ATOSA: variants seen among roughly 807,000 people sequenced by gnomAD.
The protein encoded by ATOSA is atos homolog A.
the ATOSA span, among the ~76,000 whole-genome samples, chr15:52,600,440 G>C: frequency 6.6e-6 from 1 of 151,820 alleles, no homozygotes; most frequent in Non-Finnish European, 1.5e-5. Context: ...ACCAAGCCAA[G>C]GCACAATATT....
chr15:52,649,003 A>G, the ATOSA span, among the ~76,000 whole-genome samples: 196 of 152,264 alleles, frequency 1.3e-3, no homozygotes, highest in African/African-American at 4.5e-3. Flanking sequence ...GCCTCATCAC[A>G]AAGGATTATA....
chr15:52,681,457 T>G, the ATOSA span, among the ~76,000 whole-genome samples: 1 of 152,132 alleles, frequency 6.6e-6, no homozygotes, highest in Non-Finnish European at 1.5e-5. Context: ...AAAAGTGAGG[T>G]GTTTAGACTC....
At chr15:52,658,500 C>A in the ATOSA span, 1 of 375,280 alleles carries the variant, frequency 2.7e-6, no homozygotes, top group Non-Finnish European at 4.7e-6. Context: ...TTAACTACAG[C>A]ACCTAAGAGA....
At chr15:52,664,539 C>T in the ATOSA span, among the ~76,000 whole-genome samples, 5 of 152,202 alleles carry the variant, frequency 3.3e-5, no homozygotes, top group Non-Finnish European at 4.4e-5. Flanking sequence ...ACTAAACTCA[C>T]CCAGCTAGTA....
the ATOSA span, chr15:52,656,644 C>T: frequency 2.6e-5 from 4 of 152,070 alleles, no homozygotes; most frequent in African/African-American, 4.8e-5. Context: ...TTTTTGGCAT[C>T]ATTCATACTA....
the ATOSA span, among the ~76,000 whole-genome samples, chr15:52,639,452 C>A: frequency 1.3e-5 from 2 of 152,118 alleles, no homozygotes; most frequent in Non-Finnish European, 2.9e-5. Flanking sequence ...TACAGATATG[C>A]CAGAATAAGA....
At chr15:52,634,667 T>C in the ATOSA span, among the ~76,000 whole-genome samples, 1 of 151,060 alleles carries the variant, frequency 6.6e-6, no homozygotes, top group Non-Finnish European at 1.5e-5. Context: ...AGTGGCGCGA[T>C]CTCGGCTCAC....
chr15:52,677,843 A>G, the ATOSA span, among the ~76,000 whole-genome samples: 68 of 152,322 alleles, frequency 4.5e-4, no homozygotes, highest in African/African-American at 1.6e-3. Context: ...TCTCTTCCAT[A>G]TGCCTTTCTC....
At chr15:52,700,811 A>G in the ATOSA span, among the ~76,000 whole-genome samples, 96 of 152,342 alleles carry the variant, frequency 6.3e-4, 1 homozygote, top group East Asian at 0.018. Context: ...TTTTGAATAT[A>G]TTTACCTCAA....
the ATOSA span, chr15:52,608,448 C>T: frequency 1.1e-6 from 1 of 922,228 alleles, no homozygotes; most frequent in East Asian, 2.7e-5. Context: ...ATTATTCTAT[C>T]AGACTGTGTG....
chr15:52,689,063 A>C, the ATOSA span, among the ~76,000 whole-genome samples: 1 of 152,056 alleles, frequency 6.6e-6, no homozygotes, highest in East Asian at 1.9e-4. Context: ...TAGTAGCTTT[A>C]TCCCAGGCAC....
the ATOSA span, among the ~76,000 whole-genome samples, chr15:52,684,386 A>T: frequency 6.6e-6 from 1 of 152,156 alleles, no homozygotes; most frequent in African/African-American, 2.4e-5. Context: ...AAAGTTAAAA[A>T]GTTAGCCAGG....
chr15:52,653,246 C>T, the ATOSA span, among the ~76,000 whole-genome samples: 20 of 152,004 alleles, frequency 1.3e-4, no homozygotes, highest in Non-Finnish European at 2.5e-4. Flanking sequence ...TACTAAAGTG[C>T]CCCATGAGCA....
chr15:52,637,791 G>A, the ATOSA span, among the ~76,000 whole-genome samples: 5 of 152,114 alleles, frequency 3.3e-5, no homozygotes, highest in African/African-American at 4.8e-5. Context: ...ACTCTCTCAG[G>A]CAGACATTTA....
the ATOSA span, among the ~76,000 whole-genome samples, chr15:52,601,947 G>A: frequency 6.6e-6 from 1 of 152,084 alleles, no homozygotes. Context: ...AGAACTTATT[G>A]TGAAATTTTC....
chr15:52,627,507 G>A, the ATOSA span, among the ~76,000 whole-genome samples: 1 of 152,044 alleles, frequency 6.6e-6, no homozygotes, highest in Non-Finnish European at 1.5e-5. Context: ...AAAGTGTAGT[G>A]ATTTAGCTTA....
chr15:52,628,127 G>A, the ATOSA span, among the ~76,000 whole-genome samples: 1 of 152,242 alleles, frequency 6.6e-6, no homozygotes, highest in African/African-American at 2.4e-5. Flanking sequence ...GCTCTAAAAT[G>A]TCTCTTAGAT....
the ATOSA span, chr15:52,593,822 T>A: frequency 7.7e-7 from 1 of 1,294,858 alleles, no homozygotes; most frequent in Non-Finnish European, 1.1e-6. Context: ...ACACTTAGTC[T>A]AAAGGCAGAG....
the ATOSA span, among the ~76,000 whole-genome samples, chr15:52,647,795 T>A: frequency 1.3e-5 from 2 of 152,218 alleles, no homozygotes; most frequent in Non-Finnish European, 2.9e-5. Context: ...TGTATGAATA[T>A]GTTATCAAAA....
Sources: allele counts gnomAD v4.1 joint callset (sites outside exome capture counted in the v4.1 genomes callset), GRCh38; gene constraint gnomAD v4.1.1; transcripts MANE v1.5; gene names NCBI Gene and HGNC (gene_info 2026-07-23, HGNC 2026-07-21).